SORCS3: variants seen among roughly 807,000 people sequenced by gnomAD.
SORCS3 encodes the protein sortilin related VPS10 domain containing receptor 3, also known as VPS10 domain-containing receptor SorCS3.
SORCS3 carries 57 observed loss-of-function variants against 146.3 expected under a neutral mutation model. That is an observed-to-expected ratio of 0.39 (90% CI 0.31 to 0.49). SORCS3 has a LOEUF of 0.49. SORCS3 is among the 20% of genes least tolerant of loss of function. The pLI, the probability that SORCS3 is intolerant of heterozygous loss-of-function variation, is 0.92. For synonymous variants in SORCS3, 653 were observed against 618.5 expected (o/e 1.06, Z -0.83); for missense variants, 1,341 against 1,575.5 (o/e 0.85, Z 2.52).
intron 3 of SORCS3, among the ~76,000 whole-genome samples, chr10:104,933,358 C>T (rs1458277588): frequency 6.6e-6 from 1 of 151,042 alleles, no homozygotes; most frequent in Admixed American, 6.6e-5. Flanking sequence ...GTTCTGGCAT[C>T]ACACCCAGAC....
intron 3 of SORCS3, among the ~76,000 whole-genome samples, chr10:104,962,708 G>A (rs1304894066): frequency 6.6e-6 from 1 of 152,168 alleles, no homozygotes; most frequent in African/African-American, 2.4e-5. Context: ...ATGTGTATAT[G>A]TGTGTGTGTA....
chr10:104,668,143 C>T lies in SORCS3; in HGVS notation c.627+26189C>T, dbSNP rs183544121. Among the ~76,000 whole-genome samples the T allele has an allele frequency of 5.7e-4, 87 of 152,272 alleles. No homozygotes were observed. In the East Asian group the frequency reaches 7.0e-3, roughly 12 times the overall value. On this transcript the variant is annotated intron_variant, in intron 1 of 26. Coordinates refer to ENST00000369701, the MANE Select transcript of SORCS3 (RefSeq NM_014978.3). Reference sequence around the variant, plus strand: ...GGAGGTCTGCAATTAGACTTTATTGCAACAGCTGTGTGTGTGTGTGTGCGC... The same window carrying T: ...GGAGGTCTGCAATTAGACTTTATTGTAACAGCTGTGTGTGTGTGTGTGCGC...
chr10:105,108,462 C>T (rs2055837595), intron 7 of SORCS3, among the ~76,000 whole-genome samples: 1 of 152,038 alleles, frequency 6.6e-6, no homozygotes, highest in Non-Finnish European at 1.5e-5. Context: ...TTTCTTAGAC[C>T]ACTAAGAAAT....
intron 4 of SORCS3, among the ~76,000 whole-genome samples, chr10:104,991,456 C>T (rs958427509): frequency 6.6e-5 from 10 of 151,336 alleles, no homozygotes; most frequent in African/African-American, 1.5e-4. Flanking sequence ...CTTTCCTCTA[C>T]GTGATCTTTC....
At chr10:104,760,410 T>C (rs1316085539) in intron 1 of SORCS3, among the ~76,000 whole-genome samples, 2 of 152,192 alleles carry the variant, frequency 1.3e-5, no homozygotes, top group Non-Finnish European at 2.9e-5. Context: ...CAACCTCTGC[T>C]AGCCAGGGTG....
intron 1 of SORCS3, among the ~76,000 whole-genome samples, chr10:104,674,794 A>G (rs1247406755): frequency 6.6e-6 from 1 of 152,162 alleles, no homozygotes; most frequent in Non-Finnish European, 1.5e-5. Flanking sequence ...AATTAACATT[A>G]TGTCTGTGAG....
chr10:105,000,990 C>T (rs1047595580), intron 4 of SORCS3, among the ~76,000 whole-genome samples: 4 of 152,048 alleles, frequency 2.6e-5, no homozygotes, highest in African/African-American at 7.2e-5. Flanking sequence ...CAATTTAATT[C>T]GAGGCTCAGA....
At chr10:104,831,515 T>C (rs1365753841) in intron 1 of SORCS3, among the ~76,000 whole-genome samples, 1 of 152,006 alleles carries the variant, frequency 6.6e-6, no homozygotes, top group East Asian at 1.9e-4. Context: ...AATGCCAGGG[T>C]GATCAGTGCA....
chr10:105,040,313 G>A (rs114138602), intron 4 of SORCS3, among the ~76,000 whole-genome samples: 1,941 of 152,214 alleles, frequency 0.013, 24 homozygotes, highest in African/African-American at 0.034. Context: ...AGGGATAGAA[G>A]GAGAGACAGG....
chr10:104,771,698 A>T (rs780768492), intron 1 of SORCS3, among the ~76,000 whole-genome samples: 7 of 152,090 alleles, frequency 4.6e-5, no homozygotes, highest in Non-Finnish European at 8.8e-5. Context: ...TACAAGTGCC[A>T]ATGCACTCAA....
chr10:104,704,416 A>G (rs1309130838), intron 1 of SORCS3, among the ~76,000 whole-genome samples: 2 of 152,006 alleles, frequency 1.3e-5, no homozygotes, highest in African/African-American at 2.4e-5. Context: ...GGCTCAAGCA[A>G]TCCTCTGGCT....
At chr10:104,673,235 T>G (rs1246112303) in intron 1 of SORCS3, among the ~76,000 whole-genome samples, 1 of 152,180 alleles carries the variant, frequency 6.6e-6, no homozygotes, top group Non-Finnish European at 1.5e-5. Context: ...ATTGGAGAAT[T>G]TATTCCATTT....
chr10:104,716,168 A>G (rs763929934), intron 1 of SORCS3, among the ~76,000 whole-genome samples: 1 of 151,830 alleles, frequency 6.6e-6, no homozygotes, highest in Non-Finnish European at 1.5e-5. Flanking sequence ...TTCTCATAAC[A>G]TTTTCACTGT....
At chr10:105,239,232 C>A (rs895590090) in intron 20 of SORCS3, among the ~76,000 whole-genome samples, 2 of 152,080 alleles carry the variant, frequency 1.3e-5, no homozygotes, top group Non-Finnish European at 2.9e-5. Context: ...ATATATCCAG[C>A]CTTTGTACCT....
chr10:104,944,502 A>G (rs2019350117), intron 3 of SORCS3, among the ~76,000 whole-genome samples: 1 of 152,222 alleles, frequency 6.6e-6, no homozygotes, highest in Admixed American at 6.5e-5. Context: ...AATAATGCCT[A>G]TAAATCATTA....
intron 9 of SORCS3, among the ~76,000 whole-genome samples, chr10:105,151,167 GT>G (rs2056165170): frequency 1.3e-5 from 2 of 152,262 alleles, no homozygotes; most frequent in Middle Eastern, 3.4e-3. Context: ...TCTAACTTGA[GT>G]AATTTGGAGA....
chr10:105,115,704 G>A (rs1230238203), intron 7 of SORCS3, among the ~76,000 whole-genome samples: 1 of 152,042 alleles, frequency 6.6e-6, no homozygotes, highest in Non-Finnish European at 1.5e-5. Context: ...ATCATGGAAG[G>A]TAGACAAGCC....
chr10:104,660,112 G>A (rs1218630817), intron 1 of SORCS3, among the ~76,000 whole-genome samples: 1 of 152,194 alleles, frequency 6.6e-6, no homozygotes, highest in East Asian at 1.9e-4. Flanking sequence ...AGCTGAGGAT[G>A]ATAGGAGGGT....
intron 3 of SORCS3, among the ~76,000 whole-genome samples, chr10:104,928,815 G>A (rs2019177081): frequency 1.3e-5 from 2 of 152,276 alleles, no homozygotes. Flanking sequence ...ACAAATGAAG[G>A]CCTTGGTCAG....
Sources: allele counts gnomAD v4.1 joint callset (sites outside exome capture counted in the v4.1 genomes callset), GRCh38; gene constraint gnomAD v4.1.1; transcripts MANE v1.5; gene names NCBI Gene and HGNC (gene_info 2026-07-23, HGNC 2026-07-21).